CREBBP: variants seen among roughly 807,000 people sequenced by gnomAD.
CREBBP encodes the protein CREB binding lysine acetyltransferase.
Under a neutral mutation model 265.0 loss-of-function variants are expected in CREBBP, and 19 were observed. The observed-to-expected ratio is 0.07, with a 90% confidence interval of 0.05 to 0.11. The LOEUF (loss-of-function observed/expected upper bound fraction) is 0.11. Ranked by LOEUF, CREBBP falls within the 10% of genes least tolerant of loss-of-function variation. CREBBP has a pLI of 1.00. For missense variants in CREBBP, 2,525 were observed against 3,219.0 expected, an observed-to-expected ratio of 0.78 and a Z score of 5.22; for synonymous variants, 1,457 against 1,223.7, an observed-to-expected ratio of 1.19 and a Z score of -3.98.
At chr16:3,783,830 G>C (rs1385944996) in intron 5 of CREBBP, among the ~76,000 whole-genome samples, 2 of 152,168 alleles carry the variant, frequency 1.3e-5, no homozygotes, top group African/African-American at 4.8e-5. Flanking sequence ...AACATAAGGA[G>C]CTCCATCCCA....
Position 3,817,572 on chromosome 16 carries a change from G to C in CREBBP, c.799-6793C>G, listed in dbSNP as rs62039061. 6.8e-3 allele frequency among the ~76,000 whole-genome samples: 1,041 copies of C among 152,296 alleles called. 4 individuals carry two copies. The highest frequency in any genetic ancestry group is 0.011 in the Non-Finnish European group (778 of 68,026). ...AACTAATTAAGGGTTTAAGGAGAGAGAAAAGTCAAGTCAAGTCCTTCAATA... is the reference window on the plus strand; with the variant it reads ...AACTAATTAAGGGTTTAAGGAGAGACAAAAGTCAAGTCAAGTCCTTCAATA... On this transcript the variant is annotated intron_variant, in intron 2 of 30. Coordinates refer to ENST00000262367, the MANE Select transcript of CREBBP (RefSeq NM_004380.3).
chr16:3,758,663 G>T (rs1381550051), intron 17 of CREBBP, among the ~76,000 whole-genome samples, 191 bp downstream of exon 17: 5 of 152,192 alleles, frequency 3.3e-5, no homozygotes, highest in Admixed American at 2.6e-4. Flanking sequence ...AAGGACCAGG[G>T]CTTCATGAAC....
chr16:3,821,414 G>A (rs1298171557), intron 2 of CREBBP, among the ~76,000 whole-genome samples: 4 of 152,166 alleles, frequency 2.6e-5, no homozygotes, highest in African/African-American at 9.7e-5. Flanking sequence ...TGGGGAGTTC[G>A]TGGAGCAAGG....
intron 1 of CREBBP, among the ~76,000 whole-genome samples, chr16:3,859,954 G>C (rs887568435): frequency 6.6e-6 from 1 of 152,222 alleles, no homozygotes; most frequent in African/African-American, 2.4e-5. Context: ...GGAGGGGCTT[G>C]TGGGAACCCC....
chr16:3,811,000 TC>T (rs1567331702), intron 2 of CREBBP, among the ~76,000 whole-genome samples: 1 of 151,554 alleles, frequency 6.6e-6, no homozygotes, highest in Admixed American at 6.6e-5. Context: ...ACGAGCTGTT[TC>T]CCCCCACCCT....
At position 3,728,419 on chromosome 16, in the gene CREBBP, G is replaced by T. The variant is rs2151302645; in HGVS notation, c.6628C>A (p.Gln2210Lys). The change falls in exon 31 of 31, where the codon CAG (glutamine) becomes AAG (lysine). Residue 2210 changes from glutamine (Q) to lysine (K), a missense_variant. Physicochemically the swap from Gln to Lys is moderately conservative, Grantham distance 53. Transcript: ENST00000262367. The surrounding 1 kb of genome is among the most constrained non-coding windows in gnomAD (Gnocchi z 8.7). ...QQQQQQQQQQ[Q>K]QQQQQQGSAG... is the part of the protein sequence containing the mutation. The stretch of plus-strand genomic sequence containing the variant: ...CTCCCTTGCTGCTGCTGCTGTTGCT[G>T]CTGTTGTTGCTGCTGCTGTTGCTGC... 1 of 1,612,968 alleles carries T rather than the reference G, an allele frequency of 6.2e-7. No individual in the cohort carries two copies. The highest frequency in any genetic ancestry group is 8.5e-7 in the Non-Finnish European group (1 of 1,179,452).
At chr16:3,737,767 ATTTTTCTT>A (rs1363395207) in intron 26 of CREBBP, among the ~76,000 whole-genome samples, 7 of 144,076 alleles carry the variant, frequency 4.9e-5, no homozygotes, top group African/African-American at 1.0e-4. Flanking sequence ...TTTTTTTTGT[ATTTTTCTT>A]TTTTTCTTTT....
At chr16:3,779,943 C>T (rs1474688187) in intron 8 of CREBBP, among the ~76,000 whole-genome samples, 1 of 151,636 alleles carries the variant, frequency 6.6e-6, no homozygotes, top group Non-Finnish European at 1.5e-5. Flanking sequence ...GTCTCTCTCT[C>T]TCAACAACAA....
chr16:3,828,131 C>T (rs2141403367), intron 2 of CREBBP, among the ~76,000 whole-genome samples: 1 of 151,926 alleles, frequency 6.6e-6, no homozygotes, highest in Non-Finnish European at 1.5e-5. Context: ...CTCGCTCTGT[C>T]ACCCAGGCTA....
rs1378408382 is a variant in CREBBP at position 3,758,055 on chromosome 16, A to G, written c.3370-7T>C. Reference sequence around the variant, plus strand: ...TTACGATGTCAAAATAGTCCTTAAAAAAAAAAAAATGGTCTCAGTATAGGG... The same window carrying G: ...TTACGATGTCAAAATAGTCCTTAAAGAAAAAAAAATGGTCTCAGTATAGGG... On this transcript the variant is annotated splice_region_variant and splice_polypyrimidine_tract_variant and intron_variant, in intron 17 of 30. Coordinates refer to ENST00000262367, the MANE Select transcript of CREBBP (RefSeq NM_004380.3). 6.2e-7 allele frequency: 1 copy of G among 1,612,648 alleles called. No homozygotes were observed. The highest frequency in any genetic ancestry group is 8.5e-7 in the Non-Finnish European group (1 of 1,179,232).
intron 1 of CREBBP, among the ~76,000 whole-genome samples, chr16:3,876,360 A>G (rs557981231): frequency 1.3e-5 from 2 of 148,386 alleles, no homozygotes; most frequent in Admixed American, 6.7e-5. Context: ...AAAACTTTAT[A>G]AACAGTCTGT....
chr16:3,836,031 G>GA (rs1008302392), intron 2 of CREBBP, among the ~76,000 whole-genome samples: 24 of 152,236 alleles, frequency 1.6e-4, no homozygotes, highest in African/African-American at 5.8e-4. Flanking sequence ...ATGAATCTCA[G>GA]AAAACAAGTT....
intron 1 of CREBBP, among the ~76,000 whole-genome samples, chr16:3,877,887 C>T (rs2055436620): frequency 6.6e-6 from 1 of 152,096 alleles, no homozygotes; most frequent in Non-Finnish European, 1.5e-5. Flanking sequence ...ACGAAAGAGC[C>T]CCTGTGCCTT....
chr16:3,857,463 T>C (rs1804214819), intron 1 of CREBBP, among the ~76,000 whole-genome samples: 1 of 152,240 alleles, frequency 6.6e-6, no homozygotes, highest in African/African-American at 2.4e-5. Flanking sequence ...TATTCCCTAG[T>C]TCAGCAAAAC....
At chr16:3,854,140 G>C (rs541777061) in intron 1 of CREBBP, among the ~76,000 whole-genome samples, 1 of 152,296 alleles carries the variant, frequency 6.6e-6, no homozygotes, top group East Asian at 1.9e-4. Flanking sequence ...GGCCACAGGA[G>C]GGAGAGTAAC....
chr16:3,865,038 G>C (rs113838879), intron 1 of CREBBP, among the ~76,000 whole-genome samples: 10 of 151,892 alleles, frequency 6.6e-5, no homozygotes, highest in Admixed American at 6.6e-4. Flanking sequence ...CAGCCTGGGC[G>C]ACAAAGCAAG....
At chr16:3,732,744 A>G (rs1386643650) in intron 28 of CREBBP, among the ~76,000 whole-genome samples, 1 of 151,716 alleles carries the variant, frequency 6.6e-6, no homozygotes, top group African/African-American at 2.4e-5. Flanking sequence ...CTTGTCACCC[A>G]AGCTGAAGTG....
chr16:3,876,399 C>CAAAAAAAAAAAAAAAAAAAAAAAAAAA (rs71133663), intron 1 of CREBBP, among the ~76,000 whole-genome samples: 1 of 18,156 alleles, frequency 5.5e-5, no homozygotes, highest in African/African-American at 1.8e-4. Flanking sequence ...TAAAGCTGAC[C>CAAAAAAAAAAAAAAAAAAAAAAAAAAA]AAAAAAAAAA....
chr16:3,739,457 T>C, intron 25 of CREBBP, 121 bp downstream of exon 25: 6 of 1,157,984 alleles, frequency 5.2e-6, no homozygotes, highest in South Asian at 1.4e-5. Flanking sequence ...TAGTTAATTG[T>C]GGTTTCATTT....
Sources: allele counts gnomAD v4.1 joint callset (sites outside exome capture counted in the v4.1 genomes callset), GRCh38; gene constraint gnomAD v4.1.1; non-coding constraint Gnocchi (gnomAD v3.1); transcripts MANE v1.5; gene names NCBI Gene and HGNC (gene_info 2026-07-23, HGNC 2026-07-21).